The following CMIP variants were observed in gnomAD, a reference collection of about 807,000 sequenced individuals.
CMIP encodes the protein C-Maf-inducing protein.
CMIP carries 13 observed loss-of-function variants against 97.3 expected under a neutral mutation model. The observed-to-expected ratio is 0.13, with a 90% CI of 0.09 to 0.21. The LOEUF (loss-of-function observed/expected upper bound fraction) is 0.21. Among genes scored for constraint, CMIP ranks in the 10% least tolerant of loss-of-function variants. The pLI is 1.00. For synonymous variants in CMIP, 538 were observed against 436.3 expected (o/e 1.23, Z -2.91); for missense variants, 847 against 1,024.9 (o/e 0.83, Z 2.37).
intron 10 of CMIP, among the ~76,000 whole-genome samples, chr16:81,687,546 C>A (rs1176908142): frequency 6.6e-6 from 1 of 152,148 alleles, no homozygotes; most frequent in Non-Finnish European, 1.5e-5. Flanking sequence ...GAGGACGGGT[C>A]ATGGTCTTTG....
intron 1 of CMIP, among the ~76,000 whole-genome samples, chr16:81,576,645 G>T (rs1042542690): frequency 6.6e-6 from 1 of 152,160 alleles, no homozygotes; most frequent in Non-Finnish European, 1.5e-5. Flanking sequence ...CCCGTTACTA[G>T]AGCGTGGTGT....
chr16:81,492,427 C>T (rs2089420195), intron 1 of CMIP, among the ~76,000 whole-genome samples: 2 of 152,228 alleles, frequency 1.3e-5, no homozygotes, highest in Admixed American at 6.5e-5. Flanking sequence ...CGTGGCCACT[C>T]AGCCATGAGC....
intron 1 of CMIP, among the ~76,000 whole-genome samples, chr16:81,498,008 A>C (rs1034482422): frequency 1.3e-5 from 2 of 151,890 alleles, no homozygotes; most frequent in African/African-American, 4.8e-5. Flanking sequence ...TTTCCTTTTC[A>C]TTGTTCTTTG....
chr16:81,653,248 C>T (rs770228388), intron 4 of CMIP, among the ~76,000 whole-genome samples: 4 of 152,170 alleles, frequency 2.6e-5, no homozygotes, highest in South Asian at 2.1e-4. Context: ...GTGATACCCC[C>T]GGTCCTGAGT....
chr16:81,592,641 A>G (rs376873703), intron 1 of CMIP, among the ~76,000 whole-genome samples: 37 of 152,302 alleles, frequency 2.4e-4, no homozygotes, highest in East Asian at 1.7e-3. Context: ...GCAGGACTCA[A>G]AACAACAGTC....
chr16:81,706,407 G>C (rs1908144941), intron 19 of CMIP, among the ~76,000 whole-genome samples: 1 of 152,220 alleles, frequency 6.6e-6, no homozygotes, highest in African/African-American at 2.4e-5. Context: ...GGTGGGAGCA[G>C]GTGACTGGGT....
At chr16:81,681,648 C>T (rs909889515) in intron 10 of CMIP, among the ~76,000 whole-genome samples, 7 of 152,300 alleles carry the variant, frequency 4.6e-5, no homozygotes, top group Middle Eastern at 6.8e-3. Flanking sequence ...GGGCGAGATG[C>T]GTCATTGATT....
chr16:81,547,116 G>A (rs567953299), intron 1 of CMIP, among the ~76,000 whole-genome samples: 14 of 152,316 alleles, frequency 9.2e-5, no homozygotes, highest in African/African-American at 3.1e-4. Flanking sequence ...GGCTCCCGGA[G>A]GCAGGGAGGT....
chr16:81,508,014 C>T (rs988277486), intron 1 of CMIP, among the ~76,000 whole-genome samples: 4 of 152,232 alleles, frequency 2.6e-5, no homozygotes, highest in South Asian at 2.1e-4. Context: ...CAATGCCAAC[C>T]TATCCACCCA....
chr16:81,573,213 G>A (rs1415731821), intron 1 of CMIP, among the ~76,000 whole-genome samples: 3 of 152,044 alleles, frequency 2.0e-5, no homozygotes, highest in African/African-American at 4.8e-5. Flanking sequence ...GCGTGGTGGC[G>A]GGCACCTGTA....
At chr16:81,640,125 C>T (rs1051213538) in intron 3 of CMIP, among the ~76,000 whole-genome samples, 1 of 152,182 alleles carries the variant, frequency 6.6e-6, no homozygotes, top group African/African-American at 2.4e-5. Context: ...CCCCAGGTGG[C>T]TCCCTCTGAC....
rs151150998 is a variant in CMIP, at chr16:81,673,167, G to T, written c.1034+1097G>T. Among the ~76,000 whole-genome samples the T allele has an allele frequency of 2.5e-4, 38 of 152,256 alleles. No homozygotes were observed. The East Asian group carries it at 7.3e-3, about 29-fold the overall frequency. On this transcript the variant is annotated intron_variant, in intron 9 of 20. Coordinates refer to ENST00000537098, the MANE Select transcript of CMIP (RefSeq NM_198390.3). ...GTGGAAGTGGCTTCCTAGGAAGGTG[G>T]TCCCAGGAAACACTGGGGGACAGGG...
intron 8 of CMIP, among the ~76,000 whole-genome samples, chr16:81,670,948 C>A (rs1361487200): frequency 6.6e-6 from 1 of 152,150 alleles, no homozygotes; most frequent in Non-Finnish European, 1.5e-5. Flanking sequence ...CCTGCCTCAG[C>A]CTCCCAAGTA....
At chr16:81,679,660 G>A (rs548369745) in intron 10 of CMIP, among the ~76,000 whole-genome samples, 1 of 152,026 alleles carries the variant, frequency 6.6e-6, no homozygotes, top group Non-Finnish European at 1.5e-5. Flanking sequence ...GGGCTGCTCT[G>A]GGTGGTGTGG....
chr16:81,687,558 A>C (rs1332374417), intron 10 of CMIP, among the ~76,000 whole-genome samples: 1 of 152,176 alleles, frequency 6.6e-6, no homozygotes, highest in Non-Finnish European at 1.5e-5. Context: ...TGGTCTTTGA[A>C]GCACCTGAGG....
At position 81,710,066 on chromosome 16, in the gene CMIP, C is replaced by T. The variant is rs926624081; in HGVS notation, c.*267C>T. 103 of 2,582 alleles carry T rather than the reference C, an allele frequency of 0.04. No individual in the cohort carries two copies. Among genetic ancestry groups the T allele is most frequent in the Admixed American group, 0.057 (10 of 176 alleles). The allele number at this position is 2,582 out of a possible 1,614,324, so 0.2% of individuals were successfully genotyped here. ...AGCAACAAGAGGAGCATCAGCGGGT[C>T]GGGGAGGGGTTTGGGGGTGGGCTGG... On this transcript the variant is annotated 3_prime_UTR_variant, in exon 21 of 21. Coordinates refer to ENST00000537098, the MANE Select transcript of CMIP (RefSeq NM_198390.3).
rs746149612 is a variant in CMIP at position 81,607,593 on chromosome 16, C to T, written c.327C>T (p.Val109=). 4.3e-6 allele frequency: 7 copies of T among 1,613,888 alleles called. No individual in the cohort carries two copies. Among genetic ancestry groups the T allele is most frequent in the African/African-American group, 1.3e-5 (1 of 74,952 alleles). Residue 109 remains valine (V), a synonymous_variant, in exon 2 of 21, where the codon GTC becomes GTT. Coordinates refer to ENST00000537098, the MANE Select transcript of CMIP (RefSeq NM_198390.3). ...ATPTGYMENS[V]SYSAIEDVQL... is the part of the protein sequence containing the mutation. The stretch of plus-strand genomic sequence containing the variant: ...CAACTGGGTACATGGAAAACTCAGT[C>T]TCCTACAGCGCAATTGAAGACGTTC...
chr16:81,706,874 G>A (rs1174068639), intron 19 of CMIP, 140 bp from the exon 20 acceptor site: 5 of 698,588 alleles, frequency 7.2e-6, no homozygotes, highest in African/African-American at 3.6e-5. Flanking sequence ...CCCTGGCTGT[G>A]TCTACGAAAC....
intron 13 of CMIP, among the ~76,000 whole-genome samples, chr16:81,695,076 C>T (rs933635784): frequency 6.6e-6 from 1 of 152,166 alleles, no homozygotes; most frequent in African/African-American, 2.4e-5. Flanking sequence ...AGAGGCAGGG[C>T]CAGCTGCTGG....
Sources: gnomAD v4.1 joint callset for allele counts (sites outside exome capture counted in the v4.1 genomes callset) on GRCh38, gnomAD v4.1.1 for gene constraint, MANE v1.5 for transcripts, NCBI Gene and HGNC (gene_info 2026-07-23, HGNC 2026-07-21) for gene names.